ADGB: variants seen among roughly 807,000 people sequenced by gnomAD.
ADGB encodes calpain-7-like protein.
In ADGB, 172 loss-of-function variants were observed where a neutral mutation model predicts 210.5. That is an observed-to-expected ratio of 0.82 (90% CI 0.72 to 0.93). The LOEUF is 0.93. ADGB is among the 40% of genes least tolerant of loss of function. The pLI is 0.00. For synonymous variants in ADGB, 658 were observed against 662.7 expected, an observed-to-expected ratio of 0.99 and a Z score of 0.11; for missense variants, 2,025 against 1,964.8, an observed-to-expected ratio of 1.03 and a Z score of -0.58.
intron 26 of ADGB, among the ~76,000 whole-genome samples, chr6:146,749,118 AATTGACAGCCTTGCTGG>A (rs2114608466): frequency 6.6e-6 from 1 of 152,294 alleles, no homozygotes; most frequent in East Asian, 1.9e-4. Context: ...ATTGAGGTAA[AATTGACAGCCTTGCTGG>A]AGTTCTAGAG....
chr6:146,724,343 A>G lies in ADGB; in HGVS notation c.2237+16A>G. 1.3e-6 allele frequency: 2 copies of G among 1,492,422 alleles called. No homozygotes were observed. The highest frequency in any genetic ancestry group is 1.8e-6 in the Non-Finnish European group (2 of 1,121,958). The allele number at this position is 1,492,422 out of a possible 1,614,324, so 92.4% of individuals were successfully genotyped here. A position where few individuals can be genotyped will look rare whatever the true frequency, so the allele number is the denominator to read the frequency against. Reference sequence around the variant, plus strand: ...TGCCTGTTGGGTATGAAGTGGCTTCATTTTTCCCATAATAAAAATTGTTTG... The same window carrying G: ...TGCCTGTTGGGTATGAAGTGGCTTCGTTTTTCCCATAATAAAAATTGTTTG... On this transcript the variant is annotated intron_variant, in intron 18 of 35. Coordinates refer to ENST00000397944, the MANE Select transcript of ADGB (RefSeq NM_024694.4).
At chr6:146,747,212 ACTTAT>A (rs1478800118) in intron 26 of ADGB, among the ~76,000 whole-genome samples, 1 of 152,208 alleles carries the variant, frequency 6.6e-6, no homozygotes, top group African/African-American at 2.4e-5. Context: ...TTGTTGGAAT[ACTTAT>A]CTTCTCTTTT....
intron 23 of ADGB, among the ~76,000 whole-genome samples, chr6:146,739,162 T>C (rs1187380456): frequency 6.6e-6 from 1 of 152,142 alleles, no homozygotes; most frequent in African/African-American, 2.4e-5. Flanking sequence ...GCAGGTCCTG[T>C]TACAGTCAAT....
At chr6:146,759,495 A>T (rs558110796) in intron 27 of ADGB, among the ~76,000 whole-genome samples, 2 of 151,880 alleles carry the variant, frequency 1.3e-5, no homozygotes, top group South Asian at 4.1e-4. Context: ...GAGTATGAGG[A>T]AGCCCTATAG....
In ADGB at chr6:146,726,093, C is replaced by T; in HGVS notation, c.2248C>T (p.Leu750=). Residue 750 remains leucine, a synonymous_variant, in exon 19 of 36, where the codon CTA becomes TTA. Coordinates refer to ENST00000397944, the MANE Select transcript of ADGB (RefSeq NM_024694.4). The part of the protein sequence containing the change: ...VVRLPVGRHM[L]LFNAYSPVGH... ...ATCCCTTCTCTTTAGGAGACACATG[C>T]TACTCTTCAACGCATACTCCCCAGT... The T allele has an allele frequency of 1.3e-6, 2 of 1,531,810 alleles. No homozygotes were observed. The highest frequency in any genetic ancestry group is 1.2e-5 in the South Asian group (1 of 82,228). 94.9% of individuals were successfully genotyped at this position (1,531,810 alleles called of 1,614,324 possible). A position where few individuals can be genotyped will look rare whatever the true frequency, so the allele number is the denominator to read the frequency against.
chr6:146,663,637 G>C (rs1023208261), intron 5 of ADGB, among the ~76,000 whole-genome samples: 2 of 151,732 alleles, frequency 1.3e-5, no homozygotes, highest in African/African-American at 4.8e-5. Context: ...GGATAGATAT[G>C]TTCAATATAG....
chr6:146,777,623 T>C (rs1417823942), intron 29 of ADGB, among the ~76,000 whole-genome samples: 1 of 152,180 alleles, frequency 6.6e-6, no homozygotes, highest in Non-Finnish European at 1.5e-5. Context: ...ATCTGTTCTA[T>C]GGTAAGCCCT....
At chr6:146,682,591 A>C (rs1333655365) in intron 9 of ADGB, among the ~76,000 whole-genome samples, 1 of 152,158 alleles carries the variant, frequency 6.6e-6, no homozygotes, top group Non-Finnish European at 1.5e-5. Flanking sequence ...AAGATAAGGA[A>C]ATTTCATGGT....
chr6:146,706,091 AT>A (rs201287387), intron 13 of ADGB, among the ~76,000 whole-genome samples: 45 of 115,250 alleles, frequency 3.9e-4, no homozygotes, highest in African/African-American at 1.2e-3. Flanking sequence ...CACTTGGTTA[AT>A]TTAAAAAAAA....
intron 25 of ADGB, among the ~76,000 whole-genome samples, chr6:146,741,903 T>G (rs1395065383): frequency 6.6e-6 from 1 of 152,252 alleles, no homozygotes; most frequent in Admixed American, 6.5e-5. Flanking sequence ...TAGCTGGATA[T>G]GAAGAGGGCT....
chr6:146,738,513 G>A (rs191864845), intron 23 of ADGB, among the ~76,000 whole-genome samples: 33 of 136,870 alleles, frequency 2.4e-4, no homozygotes, highest in Admixed American at 1.1e-3. Context: ...GCAGTGGCAC[G>A]ATCTGGGCTC....
At chr6:146,639,730 T>A (rs1223785562) in intron 2 of ADGB, 1 of 151,878 alleles carries the variant, frequency 6.6e-6, no homozygotes, top group African/African-American at 2.4e-5. Context: ...TATACTAAAA[T>A]TGGAATGATA....
chr6:146,730,370 CA>C (rs11349271), intron 20 of ADGB, among the ~76,000 whole-genome samples: 77,686 of 151,760 alleles, frequency 0.51, 21,144 homozygotes, highest in African/African-American at 0.69. Flanking sequence ...CAAAAACAAA[CA>C]AAAAATCTTA....
At chr6:146,709,958 G>A (rs1776636472) in intron 13 of ADGB, among the ~76,000 whole-genome samples, 1 of 151,880 alleles carries the variant, frequency 6.6e-6, no homozygotes, top group African/African-American at 2.4e-5. Context: ...TTTTGCAGGG[G>A]GCAAATACAG....
chr6:146,625,399 A>G (rs1780958127), intron 1 of ADGB, among the ~76,000 whole-genome samples: 1 of 151,974 alleles, frequency 6.6e-6, no homozygotes, highest in Non-Finnish European at 1.5e-5. Context: ...TTAACATGGC[A>G]TATATTTTTT....
At chr6:146,614,956 A>C (rs1203724284) in intron 1 of ADGB, among the ~76,000 whole-genome samples, 1 of 152,186 alleles carries the variant, frequency 6.6e-6, no homozygotes, top group East Asian at 1.9e-4. Flanking sequence ...GCTGGAGTGC[A>C]GTGGCACGAT....
At position 146,784,722 on chromosome 6, in the gene ADGB, TA is replaced by T. The variant is rs1452931907; in HGVS notation, c.4141del (p.Thr1381GlnfsTer10). ...ESELFEVKKD[T>X]ERADEIRAMK... ...CAGAATTATTTGAAGTGAAAAAGGA[TA>T]CAGAAAGGGCAGATGAAATCCGAGC... On this transcript the variant is annotated frameshift_variant, in exon 31 of 36. Coordinates refer to ENST00000397944, the MANE Select transcript of ADGB (RefSeq NM_024694.4). LOFTEE classifies it high-confidence loss of function. 1 of 1,551,012 alleles carries T rather than the reference TA, an allele frequency of 6.4e-7. No individual in the cohort carries two copies. The highest frequency in any genetic ancestry group is 8.7e-7 in the Non-Finnish European group (1 of 1,146,738).
At chr6:146,777,958 A>G (rs1375658577) in intron 29 of ADGB, among the ~76,000 whole-genome samples, 1 of 152,190 alleles carries the variant, frequency 6.6e-6, no homozygotes, top group African/African-American at 2.4e-5. Flanking sequence ...ACACTCACCA[A>G]AACTGTGAGT....
chr6:146,632,310 C>A (rs910920391), intron 1 of ADGB, among the ~76,000 whole-genome samples: 4 of 152,144 alleles, frequency 2.6e-5, no homozygotes, highest in African/African-American at 9.7e-5. Flanking sequence ...AGCAATTTTC[C>A]CTTTTTGCTT....
Sources: allele counts gnomAD v4.1 joint callset (sites outside exome capture counted in the v4.1 genomes callset), GRCh38; gene constraint gnomAD v4.1.1; transcripts MANE v1.5; gene names NCBI Gene and HGNC (gene_info 2026-07-23, HGNC 2026-07-21).